NAV3: variants seen among roughly 807,000 people sequenced by gnomAD.
The protein encoded by NAV3 is pore membrane and/or filament interacting like protein 1.
Under a neutral mutation model 244.7 loss-of-function variants are expected in NAV3, and 87 were observed. The ratio of observed to expected loss-of-function variants is 0.36; its 90% CI spans 0.30 to 0.42. The LOEUF is 0.42. Ranked by LOEUF, NAV3 falls within the 20% of genes least tolerant of loss-of-function variation. The pLI is 1.00. For synonymous variants in NAV3, 1,126 were observed against 1,042.2 expected (o/e 1.08, Z -1.55); for missense variants, 2,663 against 2,893.3 (o/e 0.92, Z 1.83).
intron 16 of NAV3, among the ~76,000 whole-genome samples, chr12:78,124,866 C>G (rs1040018023): frequency 6.6e-6 from 1 of 152,092 alleles, no homozygotes; most frequent in South Asian, 2.1e-4. Flanking sequence ...TGCCTTTGAG[C>G]CTTAATAAAA....
chr12:77,990,075 T>G (rs1871182899), intron 5 of NAV3, among the ~76,000 whole-genome samples: 2 of 95,610 alleles, frequency 2.1e-5, no homozygotes, highest in African/African-American at 1.1e-4. Flanking sequence ...AGTTTATTTT[T>G]AATATGCTTC....
intron 1 of NAV3, among the ~76,000 whole-genome samples, chr12:77,881,047 C>T (rs1034210196): frequency 6.6e-6 from 1 of 152,196 alleles, no homozygotes; most frequent in African/African-American, 2.4e-5. Context: ...TAGTGCATTA[C>T]AGCCTCAAAC....
At chr12:77,943,216 T>C (rs1890039813) in intron 3 of NAV3, among the ~76,000 whole-genome samples, 1 of 152,206 alleles carries the variant, frequency 6.6e-6, no homozygotes, top group African/African-American at 2.4e-5. Context: ...TATTACTTCT[T>C]ATTCCTGTTA....
intron 2 of NAV3, among the ~76,000 whole-genome samples, chr12:77,606,736 A>C (rs1402945444): frequency 6.6e-6 from 1 of 152,122 alleles, no homozygotes; most frequent in African/African-American, 2.4e-5. Flanking sequence ...TCTACAGTGC[A>C]TTTAGTTCTT....
intron 38 of NAV3, among the ~76,000 whole-genome samples, chr12:78,201,815 C>T (rs1959734000): frequency 6.6e-6 from 1 of 152,004 alleles, no homozygotes; most frequent in African/African-American, 2.4e-5. Context: ...CACATTCAGT[C>T]ATCTACAATA....
At chr12:77,586,028 G>A (rs1869593654) in intron 2 of NAV3, among the ~76,000 whole-genome samples, 1 of 152,090 alleles carries the variant, frequency 6.6e-6, no homozygotes, top group South Asian at 2.1e-4. Flanking sequence ...CGGGCGTGGT[G>A]GCGGGTGCCT....
At chr12:78,196,956 A>G (rs1250011877) in intron 34 of NAV3, among the ~76,000 whole-genome samples, 1 of 151,982 alleles carries the variant, frequency 6.6e-6, no homozygotes. Context: ...TCTTTCAGGG[A>G]GAAAACCACT....
At chr12:77,689,118 T>TCAACACA (rs1040903592) in intron 2 of NAV3, among the ~76,000 whole-genome samples, 2 of 151,890 alleles carry the variant, frequency 1.3e-5, no homozygotes, top group Non-Finnish European at 2.9e-5. Flanking sequence ...ATGAAAGATC[T>TCAACACA]CAACACACTC....
intron 12 of NAV3, among the ~76,000 whole-genome samples, chr12:78,113,271 C>T (rs767203616): frequency 2.8e-4 from 42 of 152,150 alleles, no homozygotes; most frequent in Non-Finnish European, 5.0e-4. Flanking sequence ...AGGATGGTGG[C>T]CTTCATCTCA....
chr12:77,910,737 G>A (rs1287664493), intron 1 of NAV3, among the ~76,000 whole-genome samples: 2 of 152,018 alleles, frequency 1.3e-5, no homozygotes, highest in South Asian at 2.1e-4. Flanking sequence ...GAAAAATAGG[G>A]CTGAAAGCAC....
intron 1 of NAV3, among the ~76,000 whole-genome samples, chr12:77,932,098 G>A (rs922021641): frequency 2.6e-5 from 4 of 152,020 alleles, no homozygotes; most frequent in Non-Finnish European, 5.9e-5. Context: ...TGAGGGTGGA[G>A]GATATGAAAT....
At chr12:77,589,804 C>A (rs1156823521) in intron 2 of NAV3, among the ~76,000 whole-genome samples, 1 of 152,194 alleles carries the variant, frequency 6.6e-6, no homozygotes, top group Non-Finnish European at 1.5e-5. Context: ...TTTGATTGTC[C>A]ACCAAGTATA....
chr12:77,722,945 G>T (rs984095765), intron 2 of NAV3, among the ~76,000 whole-genome samples: 1 of 151,992 alleles, frequency 6.6e-6, no homozygotes. Flanking sequence ...TTAGGCTCAG[G>T]TGAATGTTTA....
At chr12:77,798,881 AGAAATACT>A (rs1466599348) in intron 2 of NAV3, among the ~76,000 whole-genome samples, 5 of 152,208 alleles carry the variant, frequency 3.3e-5, no homozygotes, top group African/African-American at 1.2e-4. Context: ...TATTTGGAGG[AGAAATACT>A]GTGTTAGCTT....
intron 2 of NAV3, among the ~76,000 whole-genome samples, chr12:77,779,441 C>T (rs7303762): frequency 0.53 from 80,051 of 151,950 alleles, 21,263 homozygotes; most frequent in South Asian, 0.68. Flanking sequence ...AGAACTAATA[C>T]GTACAGGTAG....
intron 2 of NAV3, among the ~76,000 whole-genome samples, chr12:77,582,626 G>C (rs1379353905): frequency 6.6e-6 from 1 of 152,172 alleles, no homozygotes; most frequent in East Asian, 1.9e-4. Context: ...CACACAGGTA[G>C]GGCCATGAGT....
rs754155678 is a variant in NAV3, at chr12:77,852,538, CATAA to C, written c.243+20871_243+20874del. On this transcript the variant is annotated intron_variant, in intron 1 of 39. Transcript: ENST00000397909. ...TGGGCAACAGAACGAGACTCCCTCT[CATAA>C]ATAAATAAATAAATAAATAAATAAA... Among the ~76,000 whole-genome samples the C allele has an allele frequency of 3.2e-3, 481 of 151,294 alleles. 2 individuals carry two copies. Among genetic ancestry groups the C allele is most frequent in the African/African-American group, 9.8e-3 (400 of 40,888 alleles).
chr12:78,025,708 C>T (rs1452125397), intron 9 of NAV3, among the ~76,000 whole-genome samples: 2 of 151,332 alleles, frequency 1.3e-5, no homozygotes, highest in Non-Finnish European at 2.9e-5. Flanking sequence ...TGGCTTGGTG[C>T]CATTCTCCTG....
chr12:77,743,277 G>A lies in NAV3; in HGVS notation c.72+171011G>A, dbSNP rs138771542. On this transcript the variant is annotated intron_variant, in intron 2 of 8. Transcript: ENST00000550042. ...TGTTGAATGACGGTTTATATTATTG[G>A]TAAGTTTCTAGTCAACAGTAGGCTA... Among the ~76,000 whole-genome samples the A allele has an allele frequency of 2.0e-4, 30 of 151,848 alleles. No homozygotes were observed. The East Asian group carries it at 4.8e-3, about 24-fold the overall frequency.
Sources: gnomAD v4.1 joint callset for allele counts (sites outside exome capture counted in the v4.1 genomes callset) on GRCh38, gnomAD v4.1.1 for gene constraint, MANE v1.5 for transcripts, NCBI Gene and HGNC (gene_info 2026-07-23, HGNC 2026-07-21) for gene names.